RWDD4: variants seen among roughly 807,000 people sequenced by gnomAD.
RWDD4 encodes RWD domain containing 4, also known as RWD domain-containing protein 4.
Under a neutral mutation model 30.0 loss-of-function variants are expected in RWDD4, and 16 were observed. The ratio of observed to expected loss-of-function variants is 0.53; its 90% CI spans 0.36 to 0.81. The LOEUF (loss-of-function observed/expected upper bound fraction) is 0.81, where lower values mean the gene tolerates loss of function less well. Among genes scored for constraint, RWDD4 ranks in the 30% least tolerant of loss-of-function variants. The probability of loss-of-function intolerance (pLI) is 0.00; values close to 1 mark genes in which losing one functional copy is unlikely to be tolerated. For missense variants in RWDD4, 170 were observed against 223.9 expected (o/e 0.76, Z 1.54); for synonymous variants, 45 against 72.1 (o/e 0.62, Z 1.90).
intron 7 of RWDD4, among the ~76,000 whole-genome samples, chr4:183,643,810 T>C (rs1733916107): frequency 6.6e-6 from 1 of 151,942 alleles, no homozygotes; most frequent in South Asian, 2.1e-4. Flanking sequence ...TCCAACTACT[T>C]GGGAGGCTGA....
rs2111222622 is a variant in RWDD4 at position 183,639,936 on chromosome 4, G to A, written c.*1500C>T. 6.6e-6 allele frequency: 1 copy of A among 151,952 alleles called. No individual in the cohort carries two copies. Among genetic ancestry groups the A allele is most frequent in the Admixed American group, 6.6e-5 (1 of 15,240 alleles). 9.4% of individuals were successfully genotyped at this position (151,952 alleles called of 1,614,324 possible). A position where few individuals can be genotyped will look rare whatever the true frequency, so the allele number is the denominator to read the frequency against. ...TTCAGTCTCTTCAGAGCAAAACAAA[G>A]TATTTTATTCCACTAGCAGATGTTT... On this transcript the variant is annotated 3_prime_UTR_variant, in exon 8 of 8. Coordinates refer to ENST00000326397, the MANE Select transcript of RWDD4 (RefSeq NM_152682.4).
intron 2 of RWDD4, among the ~76,000 whole-genome samples, chr4:183,654,382 G>A (rs558234074): frequency 6.6e-5 from 10 of 152,266 alleles, no homozygotes; most frequent in East Asian, 1.9e-4. Flanking sequence ...GTATTAAACC[G>A]GGGAAGTCAA....
At chr4:183,644,040 A>AAATT (rs1733919464) in intron 7 of RWDD4, among the ~76,000 whole-genome samples, 1 of 152,242 alleles carries the variant, frequency 6.6e-6, no homozygotes, top group African/African-American at 2.4e-5. Context: ...AGGGACTCTT[A>AAATT]AAAACTTCTG....
chr4:183,649,583 A>G lies in RWDD4; in HGVS notation c.364-15T>C. 7.4e-7 allele frequency: 1 copy of G among 1,347,492 alleles called. No homozygotes were observed. Among genetic ancestry groups the G allele is most frequent in the Non-Finnish European group, 1.1e-6 (1 of 949,114 alleles). The allele number at this position is 1,347,492 out of a possible 1,614,324, so 83.5% of individuals were successfully genotyped here. ...CTTATCGATGTCTAAAAAAAAAAAG[A>G]AATAATTCTCAGCCTCATACCTTAC... On this transcript the variant is annotated splice_polypyrimidine_tract_variant and intron_variant, in intron 4 of 7. Coordinates refer to ENST00000326397, the MANE Select transcript of RWDD4 (RefSeq NM_152682.4).
chr4:183,652,524 G>T (rs1015314082), intron 2 of RWDD4, among the ~76,000 whole-genome samples: 2 of 151,840 alleles, frequency 1.3e-5, no homozygotes, highest in Non-Finnish European at 2.9e-5. Context: ...AATAAAAAAA[G>T]AAATCAGCTG....
rs74532364 is a variant in RWDD4 at position 183,652,098 on chromosome 4, G to A, written c.106-771C>T. ...AACAGTAATGAAATTTCCTCAATAT[G>A]TGAGTAAAGTATCTTAAGAAAAGGA... On this transcript the variant is annotated intron_variant, in intron 2 of 7. Transcript: ENST00000326397. 2.1e-3 allele frequency among the ~76,000 whole-genome samples: 317 copies of A among 152,074 alleles called. 1 individual carries two copies. Among genetic ancestry groups the A allele is most frequent in the Non-Finnish European group, 3.8e-3 (257 of 68,016 alleles).
intron 7 of RWDD4, 49 bp downstream of exon 7, chr4:183,646,302 G>T: frequency 3.8e-6 from 3 of 797,914 alleles, no homozygotes; most frequent in South Asian, 2.9e-5. Flanking sequence ...ATCTAAAATT[G>T]AGAGTGCAGG....
intron 7 of RWDD4, among the ~76,000 whole-genome samples, chr4:183,645,914 T>A (rs1277159892): frequency 6.6e-6 from 1 of 152,190 alleles, no homozygotes; most frequent in Non-Finnish European, 1.5e-5. Flanking sequence ...TCTTTTTCTG[T>A]TTTTTTGAGA....
intron 7 of RWDD4, 72 bp downstream of exon 7, chr4:183,646,279 A>T: frequency 2.6e-5 from 6 of 227,650 alleles, no homozygotes; most frequent in Non-Finnish European, 5.3e-5. Flanking sequence ...TCCATTACTT[A>T]AAAAAAAAAA....
At chr4:183,647,595 CAA>C (rs1303083699) in intron 5 of RWDD4, among the ~76,000 whole-genome samples, 1 of 152,076 alleles carries the variant, frequency 6.6e-6, no homozygotes, top group African/African-American at 2.4e-5. Flanking sequence ...TGGGCATCAT[CAA>C]AGAGATGAAG....
intron 6 of RWDD4, 35 bp from the exon 7 acceptor site, chr4:183,646,388 A>G: frequency 1.4e-6 from 2 of 1,455,652 alleles, no homozygotes; most frequent in Non-Finnish European, 1.9e-6. Flanking sequence ...ATCCCAGTGA[A>G]TTCCAAAGGT....
At chr4:183,648,347 T>G (rs546959159) in intron 5 of RWDD4, among the ~76,000 whole-genome samples, 2 of 152,004 alleles carry the variant, frequency 1.3e-5, no homozygotes, top group East Asian at 3.9e-4. Flanking sequence ...CATAGATACA[T>G]ACATAAGTGT....
chr4:183,646,136 T>C (rs1733961808), intron 7 of RWDD4, among the ~76,000 whole-genome samples: 1 of 152,180 alleles, frequency 6.6e-6, no homozygotes, highest in African/African-American at 2.4e-5. Context: ...ACTCCTGACC[T>C]CAGGTGATCC....
intron 7 of RWDD4, among the ~76,000 whole-genome samples, chr4:183,643,746 A>G (rs533683605): frequency 2.0e-4 from 30 of 152,200 alleles, no homozygotes; most frequent in African/African-American, 6.5e-4. Flanking sequence ...GTGAAACCCC[A>G]TCTCTACTAA....
In RWDD4 at chr4:183,646,338, C is replaced by A; in HGVS notation, c.534+13G>T. ...GAAAAGAAGAATGTAAAAGGTATTT[C>A]AAAAATACTTACATGCTGAATGTAA... is the stretch of plus-strand genomic sequence containing the variant. On this transcript the variant is annotated intron_variant, in intron 7 of 7. Coordinates refer to ENST00000326397, the MANE Select transcript of RWDD4 (RefSeq NM_152682.4). 1 of 988,806 alleles carries A rather than the reference C, an allele frequency of 1.0e-6. No homozygotes were observed. The highest frequency in any genetic ancestry group is 1.6e-6 in the Non-Finnish European group (1 of 614,234). 61.3% of individuals were successfully genotyped at this position (988,806 alleles called of 1,614,324 possible).
At position 183,655,873 on chromosome 4, in the gene RWDD4, T is replaced by C. The variant is rs557633652; in HGVS notation, c.105+8A>G. 17 of 1,576,200 alleles carry C rather than the reference T, an allele frequency of 1.1e-5. No homozygotes were observed. In the South Asian group the frequency reaches 1.6e-4, roughly 14 times the overall value. ...GTTCTAAGTGCTCTTATTCATGCCA[T>C]GTCTTACCCTATATTGAAAAGAAAC... is the stretch of plus-strand genomic sequence containing the variant. On this transcript the variant is annotated splice_region_variant and intron_variant, in intron 2 of 7. Transcript: ENST00000326397.
At chr4:183,655,351 G>A (rs6811733) in intron 2 of RWDD4, among the ~76,000 whole-genome samples, 9,419 of 148,980 alleles carry the variant, frequency 0.063, 412 homozygotes, top group Middle Eastern at 0.14. Flanking sequence ...GCTTGATCTC[G>A]GCTCACTGCA....
chr4:183,655,321 A>T (rs1464723951), intron 2 of RWDD4, among the ~76,000 whole-genome samples: 6 of 151,156 alleles, frequency 4.0e-5, no homozygotes, highest in Non-Finnish European at 7.4e-5. Context: ...TTTGAGACAG[A>T]GTCTCGCTCT....
intron 1 of RWDD4, among the ~76,000 whole-genome samples, chr4:183,658,684 A>G (rs1404232033): frequency 6.6e-6 from 1 of 152,258 alleles, no homozygotes; most frequent in Admixed American, 6.5e-5. Context: ...CATCCCTGTT[A>G]TTAAGTAACC....
Sources: gnomAD v4.1 joint callset for allele counts (sites outside exome capture counted in the v4.1 genomes callset) on GRCh38, gnomAD v4.1.1 for gene constraint, MANE v1.5 for transcripts, NCBI Gene and HGNC (gene_info 2026-07-23, HGNC 2026-07-21) for gene names.